Variants in PTAFR observed in about 807,000 individuals in gnomAD.
The protein encoded by PTAFR is platelet activating factor receptor, also known as platelet-activating factor receptor.
Under a neutral mutation model 14.7 loss-of-function variants are expected in PTAFR, and 8 were observed. The ratio of observed to expected loss-of-function variants is 0.54; its 90% CI spans 0.32 to 0.98. PTAFR has a LOEUF of 0.98. Ranked by LOEUF, PTAFR falls within the 50% of genes least tolerant of loss-of-function variation. PTAFR has a pLI of 0.04. For synonymous variants in PTAFR, 156 were observed against 176.5 expected, an observed-to-expected ratio of 0.88 and a Z score of 0.92; for missense variants, 337 against 451.2, an observed-to-expected ratio of 0.75 and a Z score of 2.29.
chr1:28,191,181 C>T (rs889504161), intron 1 of PTAFR, among the ~76,000 whole-genome samples: 1 of 152,202 alleles, frequency 6.6e-6, no homozygotes, highest in African/African-American at 2.4e-5. Flanking sequence ...GAGGAAGACT[C>T]AGAGATGTGG....
At chr1:28,187,547 C>G (rs1394545293) in intron 1 of PTAFR, among the ~76,000 whole-genome samples, 1 of 152,040 alleles carries the variant, frequency 6.6e-6, no homozygotes. Flanking sequence ...CGCTCGTCAC[C>G]CAAGCTGGAG....
intron 1 of PTAFR, among the ~76,000 whole-genome samples, chr1:28,190,321 C>T (rs1646642330): frequency 6.6e-6 from 1 of 152,130 alleles, no homozygotes; most frequent in African/African-American, 2.4e-5. Flanking sequence ...GAATGCAATA[C>T]ACATGCATCC....
At chr1:28,190,980 C>T (rs1391152843) in intron 1 of PTAFR, among the ~76,000 whole-genome samples, 2 of 152,198 alleles carry the variant, frequency 1.3e-5, no homozygotes, top group African/African-American at 4.8e-5. Context: ...TGGGATTAGG[C>T]CGGTAAAGGA....
At chr1:28,159,624 G>T (rs1646301622) in intron 1 of PTAFR, among the ~76,000 whole-genome samples, 1 of 151,928 alleles carries the variant, frequency 6.6e-6, no homozygotes, top group African/African-American at 2.4e-5. Context: ...GATCACTCGA[G>T]GTCAGGAGTT....
chr1:28,185,674 C>T (rs1287641802), intron 1 of PTAFR, among the ~76,000 whole-genome samples: 1 of 151,318 alleles, frequency 6.6e-6, no homozygotes. Context: ...CAACCTTATT[C>T]TGTTGTAAAG....
At chr1:28,152,967 G>T (rs1646212326) in intron 1 of PTAFR, among the ~76,000 whole-genome samples, 1 of 151,898 alleles carries the variant, frequency 6.6e-6, no homozygotes. Flanking sequence ...ATCTTTAAAG[G>T]GCATTTATTA....
rs748102157 is a variant in PTAFR at position 28,149,998 on chromosome 1, T to C, written c.1024A>G (p.Asn342Asp). 1 of 1,610,692 alleles carries C rather than the reference T, an allele frequency of 6.2e-7. No homozygotes were observed. The highest frequency in any genetic ancestry group is 1.1e-5 in the South Asian group (1 of 90,772). Reference sequence around the variant, plus strand: ...TTCAGGCCTGGAAGCAGGGACTAATTTTTGAGGGAATTGCCAGGGATCTGG... The same window carrying C: ...TTCAGGCCTGGAAGCAGGGACTAATCTTTGAGGGAATTGCCAGGGATCTGG... ...FNQIPGNSLK[N>D] The change falls in exon 2 of 2, where the codon AAT (asparagine) becomes GAT (aspartate). Residue 342 changes from asparagine (N) to aspartate (D), a missense_variant. By Grantham distance (23) the Asn-to-Asp change is conservative (BLOSUM62 1). Transcript: ENST00000373857.
At chr1:28,181,781 A>C (rs535036185) in intron 1 of PTAFR, among the ~76,000 whole-genome samples, 1 of 152,118 alleles carries the variant, frequency 6.6e-6, no homozygotes, top group East Asian at 1.9e-4. Context: ...ATTCTAAACA[A>C]GAAAAAAAGA....
intron 1 of PTAFR, among the ~76,000 whole-genome samples, chr1:28,191,586 A>AG (rs1646652617): frequency 2.1e-5 from 3 of 145,480 alleles, no homozygotes; most frequent in Non-Finnish European, 3.0e-5. Context: ...GAAAAAAGAA[A>AG]AGAGAGAGAG....
chr1:28,178,111 C>T (rs543949614), upstream of PTAFR, among the ~76,000 whole-genome samples: 2 of 152,164 alleles, frequency 1.3e-5, no homozygotes, highest in East Asian at 3.9e-4. Flanking sequence ...ACCAGGGTCC[C>T]ACAGCAAGGC....
At chr1:28,166,960 G>C (rs533323224) in intron 1 of PTAFR, among the ~76,000 whole-genome samples, 244 of 152,248 alleles carry the variant, frequency 1.6e-3, no homozygotes, top group African/African-American at 5.4e-3. Flanking sequence ...CTAGGCAACA[G>C]AGGGAGACTC....
At chr1:28,182,482 T>A (rs1646570272) in intron 1 of PTAFR, among the ~76,000 whole-genome samples, 1 of 151,928 alleles carries the variant, frequency 6.6e-6, no homozygotes, top group Admixed American at 6.6e-5. Context: ...GAGACCAGCC[T>A]GGACAACATA....
chr1:28,157,921 C>T (rs1210114563), intron 1 of PTAFR, among the ~76,000 whole-genome samples: 3 of 152,146 alleles, frequency 2.0e-5, no homozygotes, highest in Admixed American at 2.0e-4. Flanking sequence ...TTAGCCACCA[C>T]GCCTGGCAAT....
intron 1 of PTAFR, among the ~76,000 whole-genome samples, chr1:28,154,462 C>T (rs1219771928): frequency 2.6e-5 from 4 of 152,068 alleles, no homozygotes; most frequent in Admixed American, 1.3e-4. Context: ...TTACATCTCT[C>T]GGGGTAGACA....
chr1:28,172,846 A>G (rs1646466503), intron 1 of PTAFR, among the ~76,000 whole-genome samples: 1 of 152,132 alleles, frequency 6.6e-6, no homozygotes, highest in Non-Finnish European at 1.5e-5. Context: ...TATCTGCAAA[A>G]TGCGGTGCCT....
rs35747744 is a variant in PTAFR at position 28,191,586 on chromosome 1, AAGAGAG to A, written c.-39+2130_-39+2135del. Among the ~76,000 whole-genome samples, 1,440 of 145,562 alleles carry A rather than the reference AAGAGAG, an allele frequency of 9.9e-3. 12 individuals carry two copies. The highest frequency in any genetic ancestry group is 0.016 in the African/African-American group (647 of 39,248). ...TCATCTCTACAAAAAGAAAAAAGAAAAGAGAGAGAGAGAGAGAGAGAGAGAGAGAGG... is the reference window on the plus strand; with the variant it reads ...TCATCTCTACAAAAAGAAAAAAGAAAAGAGAGAGAGAGAGAGAGAGAGAGG... On this transcript the variant is annotated intron_variant, in intron 1 of 1. Coordinates refer to the PTAFR transcript ENST00000305392.
intron 1 of PTAFR, among the ~76,000 whole-genome samples, chr1:28,167,040 T>C (rs1252429017): frequency 6.6e-6 from 1 of 152,076 alleles, no homozygotes; most frequent in Non-Finnish European, 1.5e-5. Context: ...CCTCATGACA[T>C]TGGAATGGGT....
Position 28,159,706 on chromosome 1 carries a change from A to C in PTAFR, c.-38-8647T>G, listed in dbSNP as rs989146636. 1.1e-4 allele frequency among the ~76,000 whole-genome samples: 16 copies of C among 151,868 alleles called. 1 individual carries two copies. Among genetic ancestry groups the C allele is most frequent in the Admixed American group, 6.6e-4 (10 of 15,210 alleles). ...TACAAAAATTAGCCAGACGCCTATA[A>C]TCTCAACTACTGGGGAGGCTGAGGC... On this transcript the variant is annotated intron_variant, in intron 1 of 1. Coordinates refer to ENST00000373857, the MANE Select transcript of PTAFR (RefSeq NM_000952.5).
At chr1:28,152,858 G>T (rs1646210382) in intron 1 of PTAFR, among the ~76,000 whole-genome samples, 1 of 152,230 alleles carries the variant, frequency 6.6e-6, no homozygotes, top group Non-Finnish European at 1.5e-5. Context: ...GATCTAGAAG[G>T]ATACACCTCA....
Sources: allele counts gnomAD v4.1 joint callset (sites outside exome capture counted in the v4.1 genomes callset), GRCh38; gene constraint gnomAD v4.1.1; transcripts MANE v1.5; gene names NCBI Gene and HGNC (gene_info 2026-07-23, HGNC 2026-07-21).